TAF1B: variants seen among roughly 807,000 people sequenced by gnomAD.
TAF1B encodes TATA box-binding protein-associated factor RNA polymerase I subunit B.
In TAF1B, 61 loss-of-function variants were observed where a neutral mutation model predicts 83.9. That is an observed-to-expected ratio of 0.73 (90% CI 0.59 to 0.90). The LOEUF (loss-of-function observed/expected upper bound fraction) is 0.90, where lower values mean the gene tolerates loss of function less well. TAF1B is among the 40% of genes least tolerant of loss of function. The probability of loss-of-function intolerance (pLI) is 0.00; values close to 1 mark genes in which losing one functional copy is unlikely to be tolerated. For synonymous variants in TAF1B, 221 were observed against 224.6 expected (o/e 0.98, Z 0.14); for missense variants, 625 against 677.0 (o/e 0.92, Z 0.85).
intron 14 of TAF1B, among the ~76,000 whole-genome samples, chr2:9,925,132 T>G (rs920105434): frequency 1.3e-5 from 2 of 152,142 alleles, no homozygotes; most frequent in Admixed American, 6.5e-5. Context: ...AACTATTTTT[T>G]TAAACTATAG....
In TAF1B at chr2:9,934,197, A is replaced by G. The variant is rs1375449894; in HGVS notation, c.*213A>G. 2.2e-6 allele frequency: 1 copy of G among 446,790 alleles called. No individual in the cohort carries two copies. 27.7% of individuals were successfully genotyped at this position (446,790 alleles called of 1,614,324 possible). A position where few individuals can be genotyped will look rare whatever the true frequency, so the allele number is the denominator to read the frequency against. On this transcript the variant is annotated 3_prime_UTR_variant, in exon 15 of 15. Coordinates refer to ENST00000263663, the MANE Select transcript of TAF1B (RefSeq NM_005680.3). Reference sequence around the variant, plus strand: ...TTATTTTTCAGAGTATGAACATTCTAAGAGAAAGTTAAAACAATAGCAAAT... The same window carrying G: ...TTATTTTTCAGAGTATGAACATTCTGAGAGAAAGTTAAAACAATAGCAAAT...
At chr2:9,922,172 A>G (rs949718495) in intron 14 of TAF1B, among the ~76,000 whole-genome samples, 1 of 152,200 alleles carries the variant, frequency 6.6e-6, no homozygotes, top group Non-Finnish European at 1.5e-5. Flanking sequence ...TAGGAAGGTT[A>G]CTCACTTCTC....
chr2:9,913,961 G>A (rs919726420), intron 12 of TAF1B, among the ~76,000 whole-genome samples: 4 of 152,104 alleles, frequency 2.6e-5, no homozygotes, highest in African/African-American at 7.2e-5. Flanking sequence ...ATACTAATTC[G>A]ACTCAGTAAT....
At chr2:9,923,357 A>G (rs978865481) in intron 14 of TAF1B, among the ~76,000 whole-genome samples, 33 of 152,144 alleles carry the variant, frequency 2.2e-4, no homozygotes, top group Admixed American at 5.2e-4. Context: ...TTAAAAAAAA[A>G]GTTGAGCTGC....
At chr2:9,871,109 T>C (rs1664154269) in intron 6 of TAF1B, among the ~76,000 whole-genome samples, 1 of 152,098 alleles carries the variant, frequency 6.6e-6, no homozygotes, top group African/African-American at 2.4e-5. Flanking sequence ...AGATGGTGTC[T>C]TGCTCTGTTG....
At chr2:9,847,460 C>T (rs1049618128) in intron 2 of TAF1B, among the ~76,000 whole-genome samples, 1 of 152,088 alleles carries the variant, frequency 6.6e-6, no homozygotes, top group Non-Finnish European at 1.5e-5. Flanking sequence ...TGGGGAATGG[C>T]AGGTGAGACA....
At position 9,911,502 on chromosome 2, in the gene TAF1B, T is replaced by C; in HGVS notation, c.1134-9T>C. 6.6e-7 allele frequency: 1 copy of C among 1,510,136 alleles called. No individual in the cohort carries two copies. Among genetic ancestry groups the C allele is most frequent in the Non-Finnish European group, 8.9e-7 (1 of 1,122,322 alleles). 93.5% of individuals were successfully genotyped at this position (1,510,136 alleles called of 1,614,324 possible). A position where few individuals can be genotyped will look rare whatever the true frequency, so the allele number is the denominator to read the frequency against. On this transcript the variant is annotated splice_polypyrimidine_tract_variant and intron_variant, in intron 10 of 14. Transcript: ENST00000263663. ...CTAAATAAATTGATTTGTTTATTGT[T>C]ATCTCCAGGTCTTTGTCTAATCTTG...
Position 9,884,533 on chromosome 2 carries a change from C to T in TAF1B, c.807+1728C>T, listed in dbSNP as rs960715960. ...GACAGAACAGCTCAGTCTCCCACAG[C>T]GGGCAGCTCCTTTCTGCAGCCAGGG... On this transcript the variant is annotated intron_variant, in intron 8 of 14. Transcript: ENST00000263663. Among the ~76,000 whole-genome samples the T allele has an allele frequency of 5.9e-5, 9 of 152,320 alleles. No individual in the cohort carries two copies. The East Asian group carries it at 1.4e-3, about 23-fold the overall frequency.
chr2:9,880,996 C>T (rs927204102), intron 7 of TAF1B, among the ~76,000 whole-genome samples: 3 of 152,074 alleles, frequency 2.0e-5, no homozygotes, highest in Non-Finnish European at 4.4e-5. Flanking sequence ...GTAAATATTT[C>T]TCAACTTTCA....
intron 6 of TAF1B, among the ~76,000 whole-genome samples, chr2:9,870,169 C>T (rs1053439863): frequency 6.6e-6 from 1 of 151,970 alleles, no homozygotes; most frequent in Non-Finnish European, 1.5e-5. Flanking sequence ...ATAAAAAAAT[C>T]GTAAAAATAA....
chr2:9,844,976 T>C (rs1433768062), intron 1 of TAF1B, among the ~76,000 whole-genome samples: 3 of 152,218 alleles, frequency 2.0e-5, no homozygotes, highest in Non-Finnish European at 4.4e-5. Context: ...TTACCCCTAC[T>C]ACCTCCTTTT....
At chr2:9,931,638 A>G (rs1242592408) in intron 14 of TAF1B, among the ~76,000 whole-genome samples, 3 of 152,060 alleles carry the variant, frequency 2.0e-5, no homozygotes, top group Non-Finnish European at 2.9e-5. Context: ...TCTGACAGTT[A>G]TGTGTCTTGG....
intron 8 of TAF1B, among the ~76,000 whole-genome samples, chr2:9,902,227 C>CAT (rs1255438277): frequency 2.1e-5 from 3 of 144,226 alleles, no homozygotes; most frequent in Non-Finnish European, 4.5e-5. Flanking sequence ...ATATATGAAG[C>CAT]TTTTTTTTTT....
chr2:9,910,660 A>G, intron 9 of TAF1B, 76 bp from the exon 10 acceptor site: 1 of 1,308,988 alleles, frequency 7.6e-7, no homozygotes, highest in Non-Finnish European at 1.0e-6. Context: ...TTTAAGATAA[A>G]GGTTATTTTA....
Position 9,919,632 on chromosome 2 carries a change from A to T in TAF1B, c.1377A>T (p.Thr459=), listed in dbSNP as rs1466343501. Residue 459 remains threonine, a synonymous_variant, in exon 14 of 15, where the codon ACA becomes ACT. Coordinates refer to ENST00000263663, the MANE Select transcript of TAF1B (RefSeq NM_005680.3). ...TGAATCTACAGAAACAATTTAGCAC[A>T]CTGGTCGAGTCAACAGCAACTGCTG... is the stretch of plus-strand genomic sequence containing the variant. ...MVVNLQKQFS[T]LVESTATAGK... 6.2e-7 allele frequency: 1 copy of T among 1,614,010 alleles called. No homozygotes were observed. Among genetic ancestry groups the T allele is most frequent in the South Asian group, 1.1e-5 (1 of 91,088 alleles).
At chr2:9,926,216 A>G (rs1336028628) in intron 14 of TAF1B, among the ~76,000 whole-genome samples, 2 of 152,222 alleles carry the variant, frequency 1.3e-5, no homozygotes, top group Non-Finnish European at 2.9e-5. Context: ...TAAAAAATTA[A>G]GTCATTTCTT....
chr2:9,933,850 C>G lies in TAF1B; in HGVS notation c.1633C>G (p.Leu545Val). The G allele has an allele frequency of 6.2e-7, 1 of 1,613,890 alleles. No homozygotes were observed. The highest frequency in any genetic ancestry group is 8.5e-7 in the Non-Finnish European group (1 of 1,179,860). ...TCTGAGTTATCAGTTTATACTAAATCTCTTCTCCTTCCTGCTCAGAATAAA... is the reference window on the plus strand; with the variant it reads ...TCTGAGTTATCAGTTTATACTAAATGTCTTCTCCTTCCTGCTCAGAATAAA... ...YSLSYQFILN[L>V]FSFLLRIKTS... Residue 545 changes from leucine to valine, a missense_variant, in exon 15 of 15, where the codon CTC becomes GTC. Coordinates refer to ENST00000263663, the MANE Select transcript of TAF1B (RefSeq NM_005680.3).
At position 9,849,400 on chromosome 2, in the gene TAF1B, C is replaced by A; in HGVS notation, c.145C>A (p.Leu49Ile). The A allele has an allele frequency of 6.3e-7, 1 of 1,598,982 alleles. No individual in the cohort carries two copies. Among genetic ancestry groups the A allele is most frequent in the Non-Finnish European group, 8.5e-7 (1 of 1,173,604 alleles). Residue 49 changes from leucine (L) to isoleucine (I), a missense_variant, in exon 3 of 15, where the codon CTT becomes ATT. Leu to Ile is a conservative substitution (Grantham distance 5, BLOSUM62 2). Coordinates refer to ENST00000263663, the MANE Select transcript of TAF1B (RefSeq NM_005680.3). ...ATATCAGGAAGTTACAAACACTGAT[C>A]TTATTCCTAATACCCAAATAAAAGC... ...ERYQEVTNTDLIPNTQIKALN... is the reference protein window; with the variant it reads ...ERYQEVTNTDIIPNTQIKALN...
At chr2:9,930,819 C>T (rs1666187964) in intron 14 of TAF1B, among the ~76,000 whole-genome samples, 1 of 152,158 alleles carries the variant, frequency 6.6e-6, no homozygotes, top group Non-Finnish European at 1.5e-5. Flanking sequence ...CTTTGTAGGT[C>T]TCTGAGGACT....
Sources: allele counts gnomAD v4.1 joint callset (sites outside exome capture counted in the v4.1 genomes callset), GRCh38; gene constraint gnomAD v4.1.1; transcripts MANE v1.5; gene names NCBI Gene and HGNC (gene_info 2026-07-23, HGNC 2026-07-21).